C8orf34: variants seen among roughly 807,000 people sequenced by gnomAD.
The protein encoded by C8orf34 is uncharacterized protein C8orf34.
In C8orf34, 65 loss-of-function variants were observed where a neutral mutation model predicts 68.3. The ratio of observed to expected loss-of-function variants is 0.95; its 90% confidence interval spans 0.78 to 1.17. The LOEUF is 1.17. Ranked by LOEUF, C8orf34 falls within the 50% of genes most tolerant of loss-of-function variation. C8orf34 has a pLI of 0.00. For synonymous variants in C8orf34, 244 were observed against 241.2 expected (o/e 1.01, Z -0.11); for missense variants, 664 against 655.4 (o/e 1.01, Z -0.14).
At chr8:68,376,665 A>G (rs191968497) in intron 1 of C8orf34, among the ~76,000 whole-genome samples, 2 of 150,686 alleles carry the variant, frequency 1.3e-5, no homozygotes, top group African/African-American at 4.9e-5. Context: ...TTATTCAACT[A>G]TATTTAAACT....
chr8:68,452,871 A>G (rs1332762155), intron 3 of C8orf34, among the ~76,000 whole-genome samples: 2 of 151,362 alleles, frequency 1.3e-5, no homozygotes, highest in Admixed American at 1.3e-4. Context: ...TTATCTCTAT[A>G]ATTTCTTCTA....
intron 1 of C8orf34, among the ~76,000 whole-genome samples, chr8:68,335,177 G>C (rs1416441801): frequency 6.6e-6 from 1 of 152,124 alleles, no homozygotes; most frequent in Non-Finnish European, 1.5e-5. Context: ...GTTTAGGGCA[G>C]TTGTTTGGGG....
intron 1 of C8orf34, among the ~76,000 whole-genome samples, chr8:68,435,357 G>T (rs1810622152): frequency 6.6e-6 from 1 of 152,114 alleles, no homozygotes; most frequent in Non-Finnish European, 1.5e-5. Context: ...GTTTATGATA[G>T]AGAGTTAGAA....
At chr8:68,372,220 A>G (rs1258142422) in intron 1 of C8orf34, among the ~76,000 whole-genome samples, 2 of 152,250 alleles carry the variant, frequency 1.3e-5, no homozygotes, top group African/African-American at 4.8e-5. Context: ...TTCAAAAGAC[A>G]TAATTCATTA....
intron 8 of C8orf34, among the ~76,000 whole-genome samples, chr8:68,708,282 T>C (rs1290722601): frequency 6.6e-6 from 1 of 152,220 alleles, no homozygotes; most frequent in African/African-American, 2.4e-5. Context: ...TATGCATATA[T>C]GCTTGAATTT....
At chr8:68,438,485 G>A (rs1810757119) in intron 1 of C8orf34, 1 of 151,976 alleles carries the variant, frequency 6.6e-6, no homozygotes, top group South Asian at 2.1e-4. Context: ...GATGCACTGG[G>A]GAATTTCCAG....
chr8:68,683,439 G>A (rs1053938011), intron 8 of C8orf34, among the ~76,000 whole-genome samples: 1 of 151,692 alleles, frequency 6.6e-6, no homozygotes, highest in African/African-American at 2.4e-5. Context: ...ATCTGTTTCT[G>A]TACCAACTAC....
chr8:68,518,887 A>AAAG (rs1262804878), intron 5 of C8orf34, among the ~76,000 whole-genome samples: 55 of 50,182 alleles, frequency 1.1e-3, no homozygotes, highest in African/African-American at 6.6e-3. Flanking sequence ...AGCAAGACTC[A>AAAG]AAAAAAAAAA....
intron 3 of C8orf34, among the ~76,000 whole-genome samples, chr8:68,461,116 G>A (rs1013601461): frequency 1.1e-4 from 17 of 152,212 alleles, no homozygotes; most frequent in Non-Finnish European, 2.5e-4. Flanking sequence ...GGAGCTGAAA[G>A]CCAAGGCTGG....
intron 12 of C8orf34, among the ~76,000 whole-genome samples, chr8:68,807,359 A>G (rs1824516712): frequency 1.3e-5 from 2 of 152,212 alleles, no homozygotes; most frequent in Admixed American, 6.5e-5. Context: ...TCCTGCTCAC[A>G]TATTTTCATC....
At position 68,787,437 on chromosome 8, in the gene C8orf34, T is replaced by C. The variant is rs183203857; in HGVS notation, c.1456-6T>C. On this transcript the variant is annotated splice_region_variant and splice_polypyrimidine_tract_variant and intron_variant, in intron 11 of 13. Coordinates refer to ENST00000518698, the MANE Select transcript of C8orf34 (RefSeq NM_052958.4). ...TTTAATCTAAAATAAATGTGTTCTT[T>C]TGCAGGATGAATCCTTAAAGCAATT... is the stretch of plus-strand genomic sequence containing the variant. The C allele has an allele frequency of 2.5e-3, 4,087 of 1,604,244 alleles. 23 individuals are homozygous for C. The highest frequency in any genetic ancestry group is 0.014 in the Middle Eastern group (85 of 6,018).
intron 1 of C8orf34, among the ~76,000 whole-genome samples, chr8:68,346,525 T>C (rs1517121): frequency 0.41 from 62,122 of 151,920 alleles, 12,882 homozygotes; most frequent in Non-Finnish European, 0.44. Flanking sequence ...AAATATACAA[T>C]GATGTATATT....
At chr8:68,441,493 C>G (rs1586148461) in intron 2 of C8orf34, among the ~76,000 whole-genome samples, 1 of 151,856 alleles carries the variant, frequency 6.6e-6, no homozygotes, top group African/African-American at 2.4e-5. Flanking sequence ...CTTCCTTCTT[C>G]CTTCTTTCTT....
At chr8:68,336,595 G>A (rs1805861710) in intron 1 of C8orf34, among the ~76,000 whole-genome samples, 2 of 152,220 alleles carry the variant, frequency 1.3e-5, no homozygotes, top group Non-Finnish European at 2.9e-5. Flanking sequence ...AGATTTGTAT[G>A]TATTTACATA....
chr8:68,437,140 A>G (rs190586628), intron 1 of C8orf34, among the ~76,000 whole-genome samples: 50 of 152,370 alleles, frequency 3.3e-4, no homozygotes, highest in African/African-American at 1.2e-3. Flanking sequence ...ATTCATTAAT[A>G]CAATACAAAT....
At chr8:68,673,903 TC>T (rs1290151784) in intron 8 of C8orf34, among the ~76,000 whole-genome samples, 1 of 152,120 alleles carries the variant, frequency 6.6e-6, no homozygotes, top group Non-Finnish European at 1.5e-5. Context: ...CTTGTGTTAC[TC>T]CTCCCCCAGC....
chr8:68,777,577 G>A (rs555072913), intron 11 of C8orf34, among the ~76,000 whole-genome samples: 3 of 152,234 alleles, frequency 2.0e-5, no homozygotes, highest in South Asian at 2.1e-4. Context: ...TCGGGGGCTT[G>A]TAAGAAATAC....
At chr8:68,491,273 C>G (rs537288050) in intron 5 of C8orf34, among the ~76,000 whole-genome samples, 1 of 150,902 alleles carries the variant, frequency 6.6e-6, no homozygotes, top group East Asian at 1.9e-4. Flanking sequence ...GGAATTCCAT[C>G]AATTCCTTTG....
chr8:68,789,836 T>TA (rs1185184737), intron 12 of C8orf34, among the ~76,000 whole-genome samples: 2 of 152,178 alleles, frequency 1.3e-5, no homozygotes, highest in African/African-American at 4.8e-5. Context: ...TTATTAAAAT[T>TA]TTAATATTGG....
Sources: gnomAD v4.1 joint callset for allele counts (sites outside exome capture counted in the v4.1 genomes callset) on GRCh38, gnomAD v4.1.1 for gene constraint, MANE v1.5 for transcripts, NCBI Gene and HGNC (gene_info 2026-07-23, HGNC 2026-07-21) for gene names.